Variants in RBPJ observed in about 807,000 individuals in gnomAD.
RBPJ encodes the protein recombination signal binding protein for immunoglobulin kappa J region.
A neutral mutation model predicts 67.8 loss-of-function variants in RBPJ; 9 were observed. The ratio of observed to expected loss-of-function variants is 0.13; its 90% CI spans 0.08 to 0.23. RBPJ has a LOEUF of 0.23. Ranked by LOEUF, RBPJ falls within the 10% of genes least tolerant of loss-of-function variation. The pLI, the probability that RBPJ is intolerant of heterozygous loss-of-function variation, is 1.00. For synonymous variants in RBPJ, 198 were observed against 203.3 expected, an observed-to-expected ratio of 0.97 and a Z score of 0.22; for missense variants, 305 against 595.6, an observed-to-expected ratio of 0.51 and a Z score of 5.08.
intron 1 of RBPJ, among the ~76,000 whole-genome samples, chr4:26,164,771 C>A (rs1368977821): frequency 6.6e-6 from 1 of 152,086 alleles, no homozygotes; most frequent in African/African-American, 2.4e-5. Context: ...ATGTGTTTTT[C>A]TACTGGAAAA....
At chr4:26,106,625 A>C in the RBPJ span, among the ~76,000 whole-genome samples, 1 of 152,222 alleles carries the variant, frequency 6.6e-6, no homozygotes, top group Non-Finnish European at 1.5e-5. Context: ...CATCATGTTT[A>C]TGGGAGATTC....
chr4:26,210,686 C>CTTTCTTTTTTTCTTTCTTTCTTT (rs56289492), intron 1 of RBPJ, among the ~76,000 whole-genome samples: 1 of 65,396 alleles, frequency 1.5e-5, no homozygotes, highest in Non-Finnish European at 3.3e-5. Flanking sequence ...TTCTTTCTTT[C>CTTTCTTTTTTTCTTTCTTTCTTT]CTTTCTTTCT....
At chr4:26,360,588 A>C (rs1727934378) in intron 1 of RBPJ, among the ~76,000 whole-genome samples, 1 of 118,334 alleles carries the variant, frequency 8.5e-6, no homozygotes, top group Admixed American at 1.2e-4. Context: ...AGACAGTTTC[A>C]TAGGTGCTTT....
chr4:26,271,506 G>A lies in RBPJ; in HGVS notation c.-166-90940G>A, dbSNP rs546211570. Among the ~76,000 whole-genome samples, 9 of 152,090 alleles carry A rather than the reference G, an allele frequency of 5.9e-5. No individual in the cohort carries two copies. The East Asian group carries it at 9.7e-4, about 16-fold the overall frequency. ...GCAAAGTCTGTCTGGCTATGGTGTC[G>A]AACTCCAGTCTCCTCTCCTGTGATC... On this transcript the variant is annotated intron_variant, in intron 1 of 4. Transcript: ENST00000512351.
At chr4:26,118,892 A>T in the RBPJ span, among the ~76,000 whole-genome samples, 1 of 152,150 alleles carries the variant, frequency 6.6e-6, no homozygotes, top group Non-Finnish European at 1.5e-5. Context: ...TTTCTTTGAC[A>T]CCACTCTTTT....
chr4:26,268,570 G>A (rs977064868), intron 1 of RBPJ, among the ~76,000 whole-genome samples: 7 of 152,038 alleles, frequency 4.6e-5, no homozygotes, highest in Non-Finnish European at 7.3e-5. Flanking sequence ...AAAAGCACAC[G>A]CATTATTTGC....
At chr4:26,206,028 T>C (rs1202866088) in intron 1 of RBPJ, among the ~76,000 whole-genome samples, 1 of 152,198 alleles carries the variant, frequency 6.6e-6, no homozygotes, top group Non-Finnish European at 1.5e-5. Context: ...TAGATGAACA[T>C]GTGGCATATA....
intron 2 of RBPJ, among the ~76,000 whole-genome samples, chr4:26,398,471 A>C (rs1292035272): frequency 6.6e-6 from 1 of 152,116 alleles, no homozygotes; most frequent in Non-Finnish European, 1.5e-5. Flanking sequence ...GGCCCTCAGA[A>C]CTCCGTTTTA....
chr4:26,252,121 G>A (rs1484834783), intron 1 of RBPJ, among the ~76,000 whole-genome samples: 1 of 150,152 alleles, frequency 6.7e-6, no homozygotes, highest in Non-Finnish European at 1.5e-5. Context: ...CAATTTTATT[G>A]CATGGATGGA....
At chr4:26,172,314 A>T (rs556600083) in intron 1 of RBPJ, among the ~76,000 whole-genome samples, 13 of 152,272 alleles carry the variant, frequency 8.5e-5, no homozygotes, top group African/African-American at 2.9e-4. Flanking sequence ...AAAGAAAGGG[A>T]TAGAAAAAAA....
chr4:26,326,969 C>T (rs950727025), intron 1 of RBPJ, among the ~76,000 whole-genome samples: 3 of 152,122 alleles, frequency 2.0e-5, no homozygotes, highest in Admixed American at 1.3e-4. Context: ...TGCTTGACCA[C>T]GAATGTTGTC....
intron 1 of RBPJ, among the ~76,000 whole-genome samples, chr4:26,359,505 G>T (rs1727794538): frequency 6.6e-6 from 1 of 151,184 alleles, no homozygotes; most frequent in Non-Finnish European, 1.5e-5. Flanking sequence ...TCGGTTCTGG[G>T]CTCGGGTGGG....
chr4:26,414,057 A>G (rs188009788), intron 3 of RBPJ, among the ~76,000 whole-genome samples: 3 of 152,310 alleles, frequency 2.0e-5, no homozygotes, highest in Admixed American at 2.0e-4. Flanking sequence ...AGGATTAAGA[A>G]AAGTAAGCCA....
intron 1 of RBPJ, among the ~76,000 whole-genome samples, chr4:26,189,944 C>G (rs903042473): frequency 2.0e-5 from 3 of 152,138 alleles, no homozygotes; most frequent in Non-Finnish European, 4.4e-5. Flanking sequence ...CCCCAACACA[C>G]CCAACACACA....
chr4:26,387,360 C>G (rs564288291), intron 2 of RBPJ, among the ~76,000 whole-genome samples: 1 of 152,116 alleles, frequency 6.6e-6, no homozygotes, highest in African/African-American at 2.4e-5. Context: ...AATAAAACAA[C>G]AGCTTTGAAG....
At chr4:26,376,398 G>T (rs1373896315) in intron 1 of RBPJ, among the ~76,000 whole-genome samples, 1 of 152,078 alleles carries the variant, frequency 6.6e-6, no homozygotes, top group Non-Finnish European at 1.5e-5. Context: ...TTTGTGTTTG[G>T]CTTATTTCGC....
At chr4:26,251,664 A>G (rs1419703255) in intron 1 of RBPJ, among the ~76,000 whole-genome samples, 4 of 150,026 alleles carry the variant, frequency 2.7e-5, no homozygotes, top group Non-Finnish European at 4.4e-5. Context: ...CCTGGCTAAC[A>G]TGGTGAAACC....
At chr4:26,306,729 A>T (rs1035769758) in intron 1 of RBPJ, among the ~76,000 whole-genome samples, 2 of 151,978 alleles carry the variant, frequency 1.3e-5, no homozygotes, top group Admixed American at 6.6e-5. Flanking sequence ...GATTACAGGC[A>T]TGAGTCACTG....
At chr4:26,106,989 CAG>C in the RBPJ span, among the ~76,000 whole-genome samples, 3 of 152,094 alleles carry the variant, frequency 2.0e-5, no homozygotes, top group African/African-American at 7.2e-5. Context: ...GAGAGAAAAA[CAG>C]AAGCCAGGAA....
Sources: gnomAD v4.1 joint callset for allele counts (sites outside exome capture counted in the v4.1 genomes callset) on GRCh38, gnomAD v4.1.1 for gene constraint, MANE v1.5 for transcripts, NCBI Gene and HGNC (gene_info 2026-07-23, HGNC 2026-07-21) for gene names.